Variants in TBX15 observed in about 807,000 individuals in gnomAD.
The protein encoded by TBX15 is T-box transcription factor TBX15.
In TBX15, 18 loss-of-function variants were observed where a neutral mutation model predicts 53.9. The observed-to-expected ratio is 0.33, with a 90% CI of 0.23 to 0.49. The LOEUF (loss-of-function observed/expected upper bound fraction) is 0.49. TBX15 is among the 20% of genes least tolerant of loss of function. The pLI, the probability that TBX15 is intolerant of heterozygous loss-of-function variation, is 0.98. For synonymous variants in TBX15, 295 were observed against 278.0 expected, an observed-to-expected ratio of 1.06 and a Z score of -0.61; for missense variants, 692 against 749.5, an observed-to-expected ratio of 0.92 and a Z score of 0.90.
intron 6 of TBX15, among the ~76,000 whole-genome samples, chr1:118,903,462 CA>C (rs1654706287): frequency 6.6e-6 from 1 of 152,144 alleles, no homozygotes; most frequent in East Asian, 1.9e-4. Context: ...GGTAGCACTC[CA>C]ATGCATATTT....
At chr1:118,970,954 C>A (rs560753056) in intron 1 of TBX15, among the ~76,000 whole-genome samples, 2 of 152,226 alleles carry the variant, frequency 1.3e-5, no homozygotes, top group Non-Finnish European at 1.5e-5. Flanking sequence ...CAATTCTGCT[C>A]TCTCAGGAAA....
intron 5 of TBX15, among the ~76,000 whole-genome samples, chr1:118,916,057 T>A (rs1406520831): frequency 6.6e-6 from 1 of 152,204 alleles, no homozygotes; most frequent in African/African-American, 2.4e-5. Flanking sequence ...CACTTATCAT[T>A]TATCATCAAG....
In TBX15 at chr1:118,884,527, A is replaced by C; in HGVS notation, c.*205T>G. The C allele has an allele frequency of 1.6e-6, 1 of 634,668 alleles. No individual in the cohort carries two copies. The highest frequency in any genetic ancestry group is 2.6e-6 in the Non-Finnish European group (1 of 377,434). 39.3% of individuals were successfully genotyped at this position (634,668 alleles called of 1,614,324 possible). On this transcript the variant is annotated 3_prime_UTR_variant, in exon 8 of 8. Transcript: ENST00000369429. ...TGGGAAGGCAGAAGAATGGCCACTG[A>C]GTTGCGGATGATTCTATCGCAAGTA...
intron 7 of TBX15, among the ~76,000 whole-genome samples, chr1:118,893,269 A>AGAAGGAAGGAAGGAAG (rs373917263): frequency 0.022 from 1,369 of 61,036 alleles, 39 homozygotes; most frequent in Middle Eastern, 0.045. Flanking sequence ...AAAGAAAGGA[A>AGAAGGAAGGAAGGAAG]GAAGGAAGGA....
chr1:118,980,829 C>CTT (rs534135435), intron 1 of TBX15, among the ~76,000 whole-genome samples: 1,685 of 149,266 alleles, frequency 0.011, 36 homozygotes, highest in African/African-American at 0.039. Context: ...TTGACTGGTG[C>CTT]TTTTTTTTTT....
chr1:118,981,898 A>G (rs895470752), intron 1 of TBX15, among the ~76,000 whole-genome samples: 1 of 152,242 alleles, frequency 6.6e-6, no homozygotes, highest in Non-Finnish European at 1.5e-5. Flanking sequence ...ACTAGAAACC[A>G]GGAAAAGCAA....
intron 6 of TBX15, chr1:118,901,458 G>A (rs1654627291): frequency 2.2e-6 from 1 of 454,994 alleles, no homozygotes. Flanking sequence ...TAAACTTTGG[G>A]GGACATATTC....
intron 5 of TBX15, among the ~76,000 whole-genome samples, chr1:118,920,429 A>G (rs1304116091): frequency 6.6e-6 from 1 of 152,216 alleles, no homozygotes; most frequent in African/African-American, 2.4e-5. Flanking sequence ...AAAGGGACAT[A>G]CAAAGGCAAG....
intron 7 of TBX15, among the ~76,000 whole-genome samples, chr1:118,893,402 A>AAAGAAAGAAAGAAAGG (rs1654250068): frequency 8.0e-6 from 1 of 125,648 alleles, no homozygotes; most frequent in African/African-American, 3.3e-5. Context: ...AGAAAGAAAG[A>AAAGAAAGAAAGAAAGG]AAGAAAGGAA....
At chr1:118,961,543 C>T (rs946902833) in intron 1 of TBX15, among the ~76,000 whole-genome samples, 2 of 152,136 alleles carry the variant, frequency 1.3e-5, no homozygotes, top group African/African-American at 2.4e-5. Flanking sequence ...TAGAGCCTTC[C>T]TCTGACTCTC....
intron 7 of TBX15, among the ~76,000 whole-genome samples, chr1:118,896,916 T>C (rs1004207983): frequency 5.3e-5 from 8 of 152,170 alleles, no homozygotes; most frequent in African/African-American, 1.9e-4. Context: ...ATTTCAAAAA[T>C]ATATTCCAAT....
At chr1:118,986,785 A>T (rs574700623) in intron 1 of TBX15, among the ~76,000 whole-genome samples, 1 of 152,180 alleles carries the variant, frequency 6.6e-6, no homozygotes, top group African/African-American at 2.4e-5. Flanking sequence ...CACACTCAAG[A>T]TTCTTCCGAC....
At chr1:118,964,705 A>T (rs1656987031) in intron 1 of TBX15, among the ~76,000 whole-genome samples, 1 of 152,218 alleles carries the variant, frequency 6.6e-6, no homozygotes, top group African/African-American at 2.4e-5. Flanking sequence ...AAACAACCTG[A>T]AGGCTGTGCA....
At chr1:118,930,331 A>G (rs1372484912) in intron 2 of TBX15, among the ~76,000 whole-genome samples, 2 of 152,238 alleles carry the variant, frequency 1.3e-5, no homozygotes, top group African/African-American at 4.8e-5. Flanking sequence ...ACACAAAAGT[A>G]GCATAACTGT....
chr1:118,945,407 T>C (rs1656316489), intron 1 of TBX15, among the ~76,000 whole-genome samples: 1 of 152,172 alleles, frequency 6.6e-6, no homozygotes, highest in South Asian at 2.1e-4. Context: ...AGACTGATAA[T>C]TGTATAACAC....
At position 118,884,932 on chromosome 1, in the gene TBX15, C is replaced by T. The variant is rs373219471; in HGVS notation, c.1609G>A (p.Ala537Thr). The T allele has an allele frequency of 4.6e-5, 74 of 1,614,122 alleles. No homozygotes were observed. The highest frequency in any genetic ancestry group is 6.6e-5 in the South Asian group (6 of 91,080). Residue 537 changes from alanine (A) to threonine (T), a missense_variant, in exon 8 of 8, where the codon GCC becomes ACC. Physicochemically the swap from Ala to Thr is moderately conservative, Grantham distance 58. Around this residue, in one of 3 missense-constraint regions of TBX15, gnomAD observed 375 missense variants for 371.6 expected, o/e 1.01. Coordinates refer to ENST00000369429, the MANE Select transcript of TBX15 (RefSeq NM_001330677.2). ...RLAASPEKLS[A>T]SQSTLLCSSP... ...GAACAGAGTAAAGTGCTTTGAGAGGCGCTCAGTTTTTCCGGGCTTGCAGCT... is the reference window on the plus strand; with the variant it reads ...GAACAGAGTAAAGTGCTTTGAGAGGTGCTCAGTTTTTCCGGGCTTGCAGCT...
At chr1:118,988,524 T>G (rs1657924107), upstream of TBX15, among the ~76,000 whole-genome samples, 1 of 152,132 alleles carries the variant, frequency 6.6e-6, no homozygotes, top group Admixed American at 6.5e-5. Context: ...GCTTCCCGGT[T>G]TCCCCATGGG....
chr1:118,916,038 T>A (rs2101569825), intron 5 of TBX15, among the ~76,000 whole-genome samples: 1 of 152,226 alleles, frequency 6.6e-6, no homozygotes, highest in South Asian at 2.1e-4. Context: ...ATGAAGAGAG[T>A]GGTTGTGCCA....
chr1:118,940,700 C>T (rs1053840879), intron 1 of TBX15, among the ~76,000 whole-genome samples: 3 of 146,220 alleles, frequency 2.1e-5, no homozygotes, highest in East Asian at 4.0e-4. Context: ...TAAGATTCTA[C>T]GCCAATGACC....
Sources: gnomAD v4.1 joint callset for allele counts (sites outside exome capture counted in the v4.1 genomes callset) on GRCh38, gnomAD v4.1.1 for gene constraint, gnomAD v4.1.1 regional missense constraint, MANE v1.5 for transcripts, NCBI Gene and HGNC (gene_info 2026-07-23, HGNC 2026-07-21) for gene names.